The following ALK variants were observed in gnomAD, a reference collection of about 807,000 sequenced individuals.
ALK encodes ALK receptor tyrosine kinase.
ALK carries 74 observed loss-of-function variants against 163.1 expected under a neutral mutation model. The ratio of observed to expected loss-of-function variants is 0.45; its 90% CI spans 0.38 to 0.55. ALK has a LOEUF of 0.55. Ranked by LOEUF, ALK falls within the 20% of genes least tolerant of loss-of-function variation. The pLI is 0.00. For missense variants in ALK, 2,063 were observed against 2,105.3 expected (o/e 0.98, Z 0.39); for synonymous variants, 960 against 843.2 (o/e 1.14, Z -2.40).
At chr2:29,391,876 G>A (rs1009310268) in intron 4 of ALK, among the ~76,000 whole-genome samples, 3 of 152,086 alleles carry the variant, frequency 2.0e-5, no homozygotes, top group African/African-American at 7.2e-5. Flanking sequence ...TGTGACCTTA[G>A]GCCAGCTACC....
intron 3 of ALK, among the ~76,000 whole-genome samples, chr2:29,568,721 A>AG (rs935758855): frequency 7.2e-5 from 11 of 152,352 alleles, no homozygotes; most frequent in African/African-American, 1.9e-4. Flanking sequence ...TGGTCAAAGA[A>AG]GGGGAAAGAA....
intron 5 of ALK, among the ~76,000 whole-genome samples, chr2:29,349,238 G>A (rs1217884526): frequency 6.6e-6 from 1 of 152,172 alleles, no homozygotes; most frequent in Non-Finnish European, 1.5e-5. Context: ...TTACTGGGAA[G>A]CAGTGGTTTC....
intron 5 of ALK, among the ~76,000 whole-genome samples, chr2:29,370,372 G>C (rs80016281): frequency 0.092 from 14,019 of 152,142 alleles, 690 homozygotes; most frequent in Non-Finnish European, 0.11. Flanking sequence ...ATTCACACAC[G>C]TGTGGTGTGT....
At chr2:29,527,711 C>T (rs1235807905) in intron 4 of ALK, among the ~76,000 whole-genome samples, 4 of 152,036 alleles carry the variant, frequency 2.6e-5, no homozygotes, top group Admixed American at 6.5e-5. Flanking sequence ...TTGGGGGTCT[C>T]GCTATGTTGC....
chr2:29,281,645 C>T (rs1665721817), intron 9 of ALK, among the ~76,000 whole-genome samples: 1 of 152,192 alleles, frequency 6.6e-6, no homozygotes, highest in Non-Finnish European at 1.5e-5. Context: ...TGGAGGCTGG[C>T]TTTGCATAAA....
chr2:29,831,992 A>G (rs1170599097), intron 1 of ALK, among the ~76,000 whole-genome samples: 4 of 152,224 alleles, frequency 2.6e-5, no homozygotes, highest in African/African-American at 7.2e-5. Context: ...AGATCTCAGT[A>G]TACTGAATAC....
chr2:29,770,375 A>C (rs767238297), intron 1 of ALK, among the ~76,000 whole-genome samples: 1 of 152,200 alleles, frequency 6.6e-6, no homozygotes, highest in Non-Finnish European at 1.5e-5. Context: ...GTCCAGTCAC[A>C]CCCTACACTG....
chr2:29,689,563 G>C (rs182813568), intron 3 of ALK, among the ~76,000 whole-genome samples: 3 of 152,178 alleles, frequency 2.0e-5, no homozygotes, highest in Admixed American at 1.3e-4. Flanking sequence ...ACTTCCTGAA[G>C]GGTCTAAGAA....
At chr2:29,889,723 G>T (rs1302902857) in intron 1 of ALK, among the ~76,000 whole-genome samples, 7 of 142,046 alleles carry the variant, frequency 4.9e-5, no homozygotes, top group Non-Finnish European at 7.7e-5. Context: ...GAGAGAGAGA[G>T]AGAGAGAGAG....
chr2:29,589,136 A>G (rs1255899524), intron 3 of ALK, among the ~76,000 whole-genome samples: 1 of 152,232 alleles, frequency 6.6e-6, no homozygotes, highest in African/African-American at 2.4e-5. Context: ...GAGATGTATC[A>G]TAAGTAATTT....
chr2:29,711,005 G>T (rs1366099836), intron 2 of ALK, among the ~76,000 whole-genome samples: 1 of 152,144 alleles, frequency 6.6e-6, no homozygotes, highest in East Asian at 1.9e-4. Context: ...CTTGCCAAAT[G>T]TTTCTCTTCT....
At chr2:29,509,014 A>C (rs559825201) in intron 4 of ALK, among the ~76,000 whole-genome samples, 8 of 152,260 alleles carry the variant, frequency 5.3e-5, no homozygotes, top group Non-Finnish European at 1.5e-5. Flanking sequence ...AATGGATGTG[A>C]GTAGCGTGTG....
rs909685405 is a variant in ALK at position 29,828,202 on chromosome 2, T to A, written c.667+91791A>T. On this transcript the variant is annotated intron_variant, in intron 1 of 28. Transcript: ENST00000389048. ...TAAAGACTTAAATGTTAGACCTAAA[T>A]CCATAAAAACCCTAGAAGAAAACCT... Among the ~76,000 whole-genome samples, 19 of 152,090 alleles carry A rather than the reference T, an allele frequency of 1.2e-4. 1 individual carries two copies. The highest frequency in any genetic ancestry group is 2.4e-4 in the African/African-American group (10 of 41,476).
At chr2:29,536,160 G>A (rs1046883313) in intron 3 of ALK, among the ~76,000 whole-genome samples, 6 of 152,186 alleles carry the variant, frequency 3.9e-5, no homozygotes, top group Non-Finnish European at 8.8e-5. Context: ...TGGTAACATG[G>A]TGATGTAGTT....
rs75161459 is a variant in ALK, at chr2:29,485,647, G to A, written c.1154+46268C>T. On this transcript the variant is annotated intron_variant, in intron 4 of 28. Coordinates refer to ENST00000389048, the MANE Select transcript of ALK (RefSeq NM_004304.5). ...TACATTTTAGAATTTTGTACTTGAA[G>A]GCTAGGCTCCTTTTGCTTGATGGGT... is the stretch of plus-strand genomic sequence containing the variant. Among the ~76,000 whole-genome samples the A allele has an allele frequency of 8.8e-3, 1,333 of 152,242 alleles. 17 individuals are homozygous for A. The highest frequency in any genetic ancestry group is 0.029 in the African/African-American group (1,222 of 41,530).
intron 4 of ALK, among the ~76,000 whole-genome samples, chr2:29,386,509 T>C (rs1376136765): frequency 6.6e-6 from 1 of 152,194 alleles, no homozygotes; most frequent in Admixed American, 6.5e-5. Flanking sequence ...AAAGGACCTA[T>C]TTTTGAGGAA....
chr2:29,845,825 TG>T lies in ALK; in HGVS notation c.667+74167del, dbSNP rs112621942. ...AAACCTTTGGTTGAGGAGCACCTCT[TG>T]GGTGCTGGTGCTCCAAGACAGATTC... On this transcript the variant is annotated intron_variant, in intron 1 of 28. Coordinates refer to ENST00000389048, the MANE Select transcript of ALK (RefSeq NM_004304.5). 7.2e-4 allele frequency among the ~76,000 whole-genome samples: 110 copies of T among 152,338 alleles called. 1 individual carries two copies. Among genetic ancestry groups the T allele is most frequent in the African/African-American group, 2.5e-3 (102 of 41,572 alleles).
chr2:29,531,763 C>G, intron 4 of ALK, 152 bp downstream of exon 4: 5 of 831,060 alleles, frequency 6.0e-6, no homozygotes, highest in Non-Finnish European at 7.9e-6. Context: ...AAGACACTAC[C>G]TAAGGGATAT....
intron 11 of ALK, among the ~76,000 whole-genome samples, chr2:29,265,987 A>AAAAAC (rs752753269): frequency 2.8e-4 from 42 of 152,316 alleles, no homozygotes; most frequent in Non-Finnish European, 4.1e-4. Context: ...CTCCATCTCA[A>AAAAAC]AAAACAAAAC....
Sources: gnomAD v4.1 joint callset for allele counts (sites outside exome capture counted in the v4.1 genomes callset) on GRCh38, gnomAD v4.1.1 for gene constraint, MANE v1.5 for transcripts, NCBI Gene and HGNC (gene_info 2026-07-23, HGNC 2026-07-21) for gene names.